Variants in BTBD3 observed in about 807,000 individuals in gnomAD.
BTBD3 encodes BTB domain containing 3, also known as BTB/POZ domain-containing protein 3.
A neutral mutation model predicts 41.6 loss-of-function variants in BTBD3; 14 were observed. The observed-to-expected ratio is 0.34, with a 90% CI of 0.22 to 0.53. The LOEUF (loss-of-function observed/expected upper bound fraction) is 0.53, where lower values mean the gene tolerates loss of function less well. BTBD3 is among the 20% of genes least tolerant of loss of function. The pLI is 0.95. For synonymous variants in BTBD3, 249 were observed against 233.7 expected, an observed-to-expected ratio of 1.07 and a Z score of -0.60; for missense variants, 426 against 654.7, an observed-to-expected ratio of 0.65 and a Z score of 3.81.
At chr20:11,893,061 AT>A (rs372135323) in intron 1 of BTBD3, among the ~76,000 whole-genome samples, 79 of 149,004 alleles carry the variant, frequency 5.3e-4, no homozygotes, top group Middle Eastern at 3.5e-3. Context: ...AAAAATGTTC[AT>A]TTTTTTTTTT....
chr20:11,909,100 C>G (rs2056873937), intron 1 of BTBD3, among the ~76,000 whole-genome samples: 1 of 151,876 alleles, frequency 6.6e-6, no homozygotes, highest in African/African-American at 2.4e-5. Flanking sequence ...CATGGTGAAA[C>G]CCCGTCTCTA....
rs2122359326 is a variant in BTBD3, at chr20:11,925,643, T to G, written c.*1977T>G. ...AAGCACACTTCTACAAAAGATTTGG[T>G]TTTTAAATTATGGTTACACATTTCA... is the stretch of plus-strand genomic sequence containing the variant. On this transcript the variant is annotated 3_prime_UTR_variant, in exon 4 of 4. Coordinates refer to ENST00000378226, the MANE Select transcript of BTBD3 (RefSeq NM_014962.4). 6.5e-6 allele frequency: 1 copy of G among 152,706 alleles called. No individual in the cohort carries two copies. The highest frequency in any genetic ancestry group is 2.1e-4 in the South Asian group (1 of 4,824). 9.5% of individuals were successfully genotyped at this position (152,706 alleles called of 1,614,324 possible).
chr20:11,898,035 G>A (rs962868439), intron 1 of BTBD3, among the ~76,000 whole-genome samples: 13 of 152,084 alleles, frequency 8.5e-5, no homozygotes, highest in Non-Finnish European at 1.5e-4. Flanking sequence ...GCATGCACCT[G>A]TAATTCCAGG....
At chr20:11,908,875 C>T (rs1265987997) in intron 1 of BTBD3, among the ~76,000 whole-genome samples, 5 of 152,176 alleles carry the variant, frequency 3.3e-5, no homozygotes, top group African/African-American at 1.2e-4. Context: ...GTTATACCAA[C>T]ATTTAAAGTA....
chr20:11,890,995 C>T (rs1361453532), intron 1 of BTBD3: 3 of 980,676 alleles, frequency 3.1e-6, no homozygotes, highest in African/African-American at 1.8e-5. Flanking sequence ...GGCGCCTCCG[C>T]GCGTGCGCAG....
intron 1 of BTBD3, among the ~76,000 whole-genome samples, chr20:11,892,169 A>G (rs1390376882): frequency 1.3e-5 from 2 of 152,226 alleles, no homozygotes; most frequent in Non-Finnish European, 2.9e-5. Context: ...AAGCGTCTCT[A>G]ACGGTTCAAA....
At chr20:11,916,488 G>A (rs1283331532), upstream of BTBD3, among the ~76,000 whole-genome samples, 1 of 152,168 alleles carries the variant, frequency 6.6e-6, no homozygotes, top group South Asian at 2.1e-4. Flanking sequence ...CATCTAAAAT[G>A]GAGACAGGTA....
chr20:11,903,769 G>A lies in BTBD3; in HGVS notation c.-126+12815G>A, dbSNP rs1430547900. On this transcript the variant is annotated intron_variant, in intron 1 of 4. Transcript: ENST00000254977. ...TTACAGGTGCCCGCCACCATGCCCAGCTAATTTTTTGTATTTTTAGTAGAG... is the reference window on the plus strand; with the variant it reads ...TTACAGGTGCCCGCCACCATGCCCAACTAATTTTTTGTATTTTTAGTAGAG... Among the ~76,000 whole-genome samples the A allele has an allele frequency of 2.6e-5, 4 of 152,172 alleles. No individual in the cohort carries two copies. The East Asian group carries it at 7.7e-4, about 29-fold the overall frequency.
intron 1 of BTBD3, among the ~76,000 whole-genome samples, chr20:11,894,851 G>C (rs998645008): frequency 1.3e-5 from 2 of 152,062 alleles, no homozygotes; most frequent in Admixed American, 6.6e-5. Context: ...AAAGTGGATG[G>C]GGAGGAAGAC....
chr20:11,912,245 G>A (rs997923428), intron 1 of BTBD3, among the ~76,000 whole-genome samples: 1 of 152,142 alleles, frequency 6.6e-6, no homozygotes, highest in African/African-American at 2.4e-5. Context: ...GATATGGCTG[G>A]GTGGCTAGAT....
At chr20:11,922,416 C>G (rs2122329191) in intron 3 of BTBD3, among the ~76,000 whole-genome samples, 1 of 152,204 alleles carries the variant, frequency 6.6e-6, no homozygotes, top group South Asian at 2.1e-4. Context: ...AATGGTAGCA[C>G]AAAGTTAATA....
exon 1 of BTBD3, chr20:11,890,863 G>T: frequency 2.0e-6 from 2 of 985,130 alleles, no homozygotes; most frequent in Non-Finnish European, 2.4e-6. Flanking sequence ...CCGGGCGCTG[G>T]ATCTCCGAGT....
chr20:11,918,193 C>T lies in BTBD3; in HGVS notation c.-83C>T. The T allele has an allele frequency of 4.0e-6, 6 of 1,496,304 alleles. No individual in the cohort carries two copies. Among genetic ancestry groups the T allele is most frequent in the South Asian group, 1.4e-5 (1 of 71,242 alleles). 92.7% of individuals were successfully genotyped at this position (1,496,304 alleles called of 1,614,324 possible). A position where few individuals can be genotyped will look rare whatever the true frequency, so the allele number is the denominator to read the frequency against. On this transcript the variant is annotated 5_prime_UTR_variant, in exon 1 of 4. Transcript: ENST00000378226. ...TATCAGCTTTGTTGGTTTCAGTTAA[C>T]CTCTTAGCCCGGGCTAATCTCTTTT... is the stretch of plus-strand genomic sequence containing the variant.
Position 11,918,030 on chromosome 20 carries a change from A to AT in BTBD3, c.-241dup, listed in dbSNP as rs1356653091. 4 of 1,236,168 alleles carry AT rather than the reference A, an allele frequency of 3.2e-6. No individual in the cohort carries two copies. The highest frequency in any genetic ancestry group is 3.2e-4 in the Middle Eastern group (1 of 3,096). 76.6% of individuals were successfully genotyped at this position (1,236,168 alleles called of 1,614,324 possible). On this transcript the variant is annotated 5_prime_UTR_variant, in exon 1 of 4. Coordinates refer to ENST00000378226, the MANE Select transcript of BTBD3 (RefSeq NM_014962.4). ...TTTTCAGGTGATCTAGGAAACAGTT[A>AT]TTTTTATGAGCAAATAAGAGAAACA...
Position 11,918,029 on chromosome 20 carries a change from T to A in BTBD3, c.-247T>A, listed in dbSNP as rs545871356. On this transcript the variant is annotated 5_prime_UTR_variant, in exon 1 of 4. Transcript: ENST00000378226. ...ATTTTCAGGTGATCTAGGAAACAGT[T>A]ATTTTTATGAGCAAATAAGAGAAAC... The A allele has an allele frequency of 8.1e-6, 10 of 1,237,940 alleles. No homozygotes were observed. The South Asian group carries it at 2.3e-4, about 29-fold the overall frequency. 76.7% of individuals were successfully genotyped at this position (1,237,940 alleles called of 1,614,324 possible).
At chr20:11,913,327 TC>T (rs1189272773), upstream of BTBD3, 1 of 152,198 alleles carries the variant, frequency 6.6e-6, no homozygotes, top group Non-Finnish European at 1.5e-5. Context: ...GAGAGCCTCT[TC>T]TGTTTTTGAG....
At chr20:11,916,722 T>C (rs945345324), upstream of BTBD3, among the ~76,000 whole-genome samples, 6 of 152,168 alleles carry the variant, frequency 3.9e-5, no homozygotes, top group Non-Finnish European at 7.3e-5. Context: ...TTCAGACAAA[T>C]GTTAAAACAA....
At chr20:11,903,441 C>G (rs2056835396) in intron 1 of BTBD3, among the ~76,000 whole-genome samples, 1 of 152,142 alleles carries the variant, frequency 6.6e-6, no homozygotes, top group African/African-American at 2.4e-5. Flanking sequence ...TGTAGGGATA[C>G]TTGTCTACCT....
chr20:11,916,730 C>G (rs1034569930), upstream of BTBD3, among the ~76,000 whole-genome samples: 1 of 152,100 alleles, frequency 6.6e-6, no homozygotes, highest in Non-Finnish European at 1.5e-5. Flanking sequence ...AATGTTAAAA[C>G]AAGGAGGGCT....
Sources: gnomAD v4.1 joint callset for allele counts (sites outside exome capture counted in the v4.1 genomes callset) on GRCh38, gnomAD v4.1.1 for gene constraint, MANE v1.5 for transcripts, NCBI Gene and HGNC (gene_info 2026-07-23, HGNC 2026-07-21) for gene names.